The following DCLK1 variants were observed in gnomAD, a reference collection of about 807,000 sequenced individuals.
DCLK1 encodes the protein doublecortin like kinase 1.
In DCLK1, 16 loss-of-function variants were observed where a neutral mutation model predicts 86.2. The observed-to-expected ratio is 0.19, with a 90% CI of 0.13 to 0.28. The LOEUF is 0.28. DCLK1 is among the 10% of genes least tolerant of loss of function. The pLI is 1.00. For synonymous variants in DCLK1, 369 were observed against 370.5 expected (o/e 1.00, Z 0.05); for missense variants, 590 against 940.2 (o/e 0.63, Z 4.87).
At chr13:35,966,500 C>G (rs775737667) in intron 3 of DCLK1, among the ~76,000 whole-genome samples, 7 of 133,898 alleles carry the variant, frequency 5.2e-5, no homozygotes, top group Non-Finnish European at 4.8e-5. Context: ...CTCCCCCTCC[C>G]CCTCCCCCTC....
intron 6 of DCLK1, chr13:35,850,123 T>C: frequency 1.0e-6 from 1 of 985,314 alleles, no homozygotes; most frequent in Non-Finnish European, 1.2e-6. Flanking sequence ...ATTTTTCTTT[T>C]TCTCTCGGAT....
chr13:36,039,404 A>G (rs758771686), intron 3 of DCLK1, among the ~76,000 whole-genome samples: 2 of 152,190 alleles, frequency 1.3e-5, no homozygotes, highest in African/African-American at 2.4e-5. Context: ...CACTCTTCCA[A>G]AAGGTAGCAG....
chr13:36,051,349 G>T (rs901826531), intron 3 of DCLK1, among the ~76,000 whole-genome samples: 5 of 152,058 alleles, frequency 3.3e-5, no homozygotes, highest in Non-Finnish European at 5.9e-5. Flanking sequence ...AACCTCACCA[G>T]CCATCTCACT....
chr13:35,961,168 C>G (rs899169026), intron 3 of DCLK1, among the ~76,000 whole-genome samples: 1 of 152,234 alleles, frequency 6.6e-6, no homozygotes, highest in East Asian at 1.9e-4. Flanking sequence ...CATTCCTTCA[C>G]AGAGAGAAGG....
chr13:36,068,061 A>G (rs1437574340), intron 3 of DCLK1, among the ~76,000 whole-genome samples: 1 of 152,198 alleles, frequency 6.6e-6, no homozygotes, highest in Non-Finnish European at 1.5e-5. Flanking sequence ...GAACATAACC[A>G]TGGACTATGA....
At chr13:35,945,844 T>C (rs1877351945) in intron 4 of DCLK1, among the ~76,000 whole-genome samples, 1 of 152,190 alleles carries the variant, frequency 6.6e-6, no homozygotes, top group Non-Finnish European at 1.5e-5. Flanking sequence ...TGGAATGTAT[T>C]TGAGTCAACT....
chr13:35,846,830 A>G (rs1209807853), intron 6 of DCLK1: 2 of 985,060 alleles, frequency 2.0e-6, no homozygotes, highest in East Asian at 2.3e-4. Flanking sequence ...GTGTGTATAT[A>G]TTTATGTAGA....
At position 36,060,610 on chromosome 13, in the gene DCLK1, TCATACTTCAGTATGCACTCTGCAAGTG is replaced by T. The variant is rs560684449; in HGVS notation, c.723+51232_723+51258del. Among the ~76,000 whole-genome samples the T allele has an allele frequency of 5.9e-5, 9 of 152,292 alleles. No individual in the cohort carries two copies. In the East Asian group the frequency reaches 1.7e-3, roughly 29 times the overall value. On this transcript the variant is annotated intron_variant, in intron 3 of 16. Transcript: ENST00000360631. The stretch of plus-strand genomic sequence containing the variant: ...AGAGATTTTTAAAAATCTTGCTGCA[TCATACTTCAGTATGCACTCTGCAAGTG>T]CATACAGCAGCAAAATAACCAACAA...
chr13:36,040,781 C>T (rs960753218), intron 3 of DCLK1, among the ~76,000 whole-genome samples: 2 of 152,068 alleles, frequency 1.3e-5, no homozygotes, highest in Non-Finnish European at 2.9e-5. Context: ...CTATTTATAT[C>T]AGTATGAACC....
At chr13:36,065,160 T>C (rs1295851719) in intron 3 of DCLK1, among the ~76,000 whole-genome samples, 2 of 152,216 alleles carry the variant, frequency 1.3e-5, no homozygotes, top group Admixed American at 6.5e-5. Flanking sequence ...ATGATCTGAA[T>C]TGAAATCCCA....
At chr13:35,994,925 C>T (rs925182840) in intron 3 of DCLK1, among the ~76,000 whole-genome samples, 15 of 152,190 alleles carry the variant, frequency 9.9e-5, no homozygotes, top group Admixed American at 3.9e-4. Flanking sequence ...GCACAGATGA[C>T]GGCAATAAGA....
intron 4 of DCLK1, among the ~76,000 whole-genome samples, chr13:35,918,106 G>A (rs1209000377): frequency 6.6e-6 from 1 of 152,140 alleles, no homozygotes; most frequent in Non-Finnish European, 1.5e-5. Flanking sequence ...CATTTCAAGT[G>A]ACAAGCAAAA....
chr13:35,794,500 G>A (rs2086767964), intron 15 of DCLK1, among the ~76,000 whole-genome samples: 1 of 152,176 alleles, frequency 6.6e-6, no homozygotes. Flanking sequence ...ATAATGTGCT[G>A]GCTCCTTTTG....
intron 6 of DCLK1, among the ~76,000 whole-genome samples, chr13:35,853,565 G>T (rs1281663299): frequency 6.6e-6 from 1 of 152,130 alleles, no homozygotes; most frequent in Non-Finnish European, 1.5e-5. Context: ...CTTCCATCCT[G>T]GATGACACGT....
At chr13:36,064,818 T>C in intron 3 of DCLK1, among the ~76,000 whole-genome samples, 1 of 151,894 alleles carries the variant, frequency 6.6e-6, no homozygotes, top group South Asian at 2.1e-4. Flanking sequence ...TATTCTATAA[T>C]AAGGGTACCT....
At chr13:36,088,677 C>T (rs1037970112) in intron 3 of DCLK1, among the ~76,000 whole-genome samples, 1 of 152,174 alleles carries the variant, frequency 6.6e-6, no homozygotes, top group African/African-American at 2.4e-5. Flanking sequence ...GTCTGCGAGA[C>T]GTGCCGGGGT....
intron 3 of DCLK1, among the ~76,000 whole-genome samples, chr13:35,977,071 C>A (rs1455608998): frequency 6.6e-6 from 1 of 152,086 alleles, no homozygotes; most frequent in African/African-American, 2.4e-5. Flanking sequence ...TGCATCCACT[C>A]CAGATGTTAA....
intron 3 of DCLK1, among the ~76,000 whole-genome samples, chr13:35,982,360 A>G (rs1221603112): frequency 6.6e-6 from 1 of 150,642 alleles, no homozygotes; most frequent in East Asian, 2.0e-4. Flanking sequence ...CAGCCTGGAC[A>G]ACAGAGTGAG....
chr13:36,056,101 C>T (rs1246090295), intron 3 of DCLK1, among the ~76,000 whole-genome samples: 6 of 139,196 alleles, frequency 4.3e-5, no homozygotes, highest in African/African-American at 1.6e-4. Context: ...TTTGACCCAG[C>T]CATCCCATTA....
Sources: gnomAD v4.1 joint callset for allele counts (sites outside exome capture counted in the v4.1 genomes callset) on GRCh38, gnomAD v4.1.1 for gene constraint, MANE v1.5 for transcripts, NCBI Gene and HGNC (gene_info 2026-07-23, HGNC 2026-07-21) for gene names.